MEIKIN: variants seen among roughly 807,000 people sequenced by gnomAD.
The protein encoded by MEIKIN is meiotic kinetochore factor, also known as meiosis-specific kinetochore protein.
At chr5:131,914,479 A>G (rs1448264733) in intron 7 of MEIKIN, among the ~76,000 whole-genome samples, 2 of 147,592 alleles carry the variant, frequency 1.4e-5, no homozygotes, top group African/African-American at 5.0e-5. Context: ...GAGAGAAAGA[A>G]AGAGAGAGAA....
At chr5:131,906,864 G>C (rs1225423088) in intron 8 of MEIKIN, among the ~76,000 whole-genome samples, 1 of 152,146 alleles carries the variant, frequency 6.6e-6, no homozygotes, top group African/African-American at 2.4e-5. Flanking sequence ...GGGCCTACTT[G>C]AGGGTGAGAG....
intron 4 of MEIKIN, among the ~76,000 whole-genome samples, chr5:131,938,330 G>A (rs1751816671): frequency 6.6e-6 from 1 of 151,812 alleles, no homozygotes; most frequent in Non-Finnish European, 1.5e-5. Context: ...GCCATGCCCG[G>A]CTAATTTTTT....
chr5:131,817,328 C>G (rs572926331), intron 12 of MEIKIN, among the ~76,000 whole-genome samples: 100 of 152,118 alleles, frequency 6.6e-4, no homozygotes, highest in Admixed American at 2.6e-3. Context: ...ATCCCCCTCA[C>G]TGGCCGGGCA....
intron 8 of MEIKIN, among the ~76,000 whole-genome samples, chr5:131,900,592 G>T (rs1580898269): frequency 6.6e-6 from 1 of 152,136 alleles, no homozygotes. Context: ...ATCCCCCAAG[G>T]CTTGCCTTCC....
At chr5:131,885,684 T>C (rs1255641334) in intron 8 of MEIKIN, among the ~76,000 whole-genome samples, 1 of 152,144 alleles carries the variant, frequency 6.6e-6, no homozygotes, top group Non-Finnish European at 1.5e-5. Context: ...GTGCAAAACT[T>C]ACAAGAAATA....
At chr5:131,889,058 C>G (rs1750858370) in intron 8 of MEIKIN, among the ~76,000 whole-genome samples, 1 of 152,080 alleles carries the variant, frequency 6.6e-6, no homozygotes, top group Admixed American at 6.5e-5. Context: ...CTGTTCTGTT[C>G]CATTGGTCTA....
intron 11 of MEIKIN, among the ~76,000 whole-genome samples, chr5:131,850,210 C>A (rs1414256435): frequency 6.6e-6 from 1 of 152,042 alleles, no homozygotes; most frequent in Non-Finnish European, 1.5e-5. Flanking sequence ...AAACACATCC[C>A]ATGTTTATGG....
chr5:131,816,156 A>G (rs1773095901), intron 12 of MEIKIN, among the ~76,000 whole-genome samples: 1 of 152,208 alleles, frequency 6.6e-6, no homozygotes. Context: ...AGGCAAAAGT[A>G]TGACTTTATT....
chr5:131,900,728 C>T (rs149064994), intron 8 of MEIKIN, among the ~76,000 whole-genome samples: 73 of 152,246 alleles, frequency 4.8e-4, no homozygotes, highest in African/African-American at 1.4e-3. Flanking sequence ...GGGGATCCAG[C>T]CTGGCAGCAC....
In MEIKIN at chr5:131,945,458, CCT is replaced by C. The variant is rs1719210287; in HGVS notation, c.46_47del (p.Arg16AlafsTer45). The C allele has an allele frequency of 2.5e-6, 1 of 399,308 alleles. No individual in the cohort carries two copies. The highest frequency in any genetic ancestry group is 2.1e-5 in the African/African-American group (1 of 48,648). 24.7% of individuals were successfully genotyped at this position (399,308 alleles called of 1,614,324 possible). ...GGTCTGGCGTCGGGGTGAGATTGAG[CCT>C]CTGACCCTCCCGCTTTTTGCGGGTA... The part of the protein sequence containing the change: ...VYTRKKREGQ[R>X]LNLTPTPDLG... On this transcript the variant is annotated frameshift_variant, in exon 1 of 13. Transcript: ENST00000442687. LOFTEE classifies it high-confidence loss of function.
At chr5:131,842,941 T>C (rs887807456) in intron 11 of MEIKIN, among the ~76,000 whole-genome samples, 2 of 152,254 alleles carry the variant, frequency 1.3e-5, no homozygotes, top group Admixed American at 6.5e-5. Flanking sequence ...TGCCTGGATG[T>C]CCAGGTGTTT....
At chr5:131,812,093 T>C (rs1223914577) in intron 12 of MEIKIN, among the ~76,000 whole-genome samples, 1 of 152,260 alleles carries the variant, frequency 6.6e-6, no homozygotes, top group Non-Finnish European at 1.5e-5. Flanking sequence ...ACTATCGTGA[T>C]TTCCATTATA....
chr5:131,887,141 C>A (rs1007345047), intron 8 of MEIKIN, among the ~76,000 whole-genome samples: 1 of 151,878 alleles, frequency 6.6e-6, no homozygotes, highest in Admixed American at 6.6e-5. Flanking sequence ...TTCACCCATG[C>A]CCCTGCAAAG....
At chr5:131,852,265 C>T (rs1324652425) in intron 10 of MEIKIN, among the ~76,000 whole-genome samples, 1 of 152,074 alleles carries the variant, frequency 6.6e-6, no homozygotes, top group African/African-American at 2.4e-5. Flanking sequence ...TTCCCGAGAT[C>T]TGATGGTTTT....
chr5:131,924,396 A>G (rs550587277), intron 5 of MEIKIN, among the ~76,000 whole-genome samples: 1 of 152,140 alleles, frequency 6.6e-6, no homozygotes, highest in Non-Finnish European at 1.5e-5. Context: ...AGACACCTCC[A>G]TACTGTTTCT....
chr5:131,876,808 A>C (rs1423968177), intron 9 of MEIKIN, among the ~76,000 whole-genome samples: 106 of 152,108 alleles, frequency 7.0e-4, no homozygotes, highest in Middle Eastern at 3.4e-3. Flanking sequence ...ATGGAATACT[A>C]TGCAGCCATA....
At chr5:131,896,979 G>A (rs183777181) in intron 8 of MEIKIN, among the ~76,000 whole-genome samples, 1,586 of 152,266 alleles carry the variant, frequency 0.01, 15 homozygotes, top group Non-Finnish European at 0.014. Flanking sequence ...TCCTAGCATC[G>A]GTGGTCTTTA....
At position 131,888,910 on chromosome 5, in the gene MEIKIN, G is replaced by T. The variant is rs187370497; in HGVS notation, c.704-9862C>A. Among the ~76,000 whole-genome samples, 742 of 152,230 alleles carry T rather than the reference G, an allele frequency of 4.9e-3. 8 individuals carry two copies. The highest frequency in any genetic ancestry group is 0.016 in the African/African-American group (679 of 41,526). On this transcript the variant is annotated intron_variant, in intron 8 of 12. Transcript: ENST00000442687. ...GTATAAGGTGTAAGGAAGGGATCCA[G>T]TTTCAGCTTTCTACATATGGCTAGC...
chr5:131,895,887 C>T (rs568840338), intron 8 of MEIKIN, among the ~76,000 whole-genome samples: 36 of 152,306 alleles, frequency 2.4e-4, no homozygotes, highest in African/African-American at 8.2e-4. Context: ...CTATCTCCTT[C>T]AGTTCTGCTC....
Sources: allele counts gnomAD v4.1 joint callset (sites outside exome capture counted in the v4.1 genomes callset), GRCh38; gene constraint gnomAD v4.1.1; transcripts MANE v1.5; gene names NCBI Gene and HGNC (gene_info 2026-07-23, HGNC 2026-07-21).